Variants in EXOG observed in about 807,000 individuals in gnomAD.
EXOG encodes exo/endonuclease G.
In EXOG, 27 loss-of-function variants were observed where a neutral mutation model predicts 25.8. The observed-to-expected ratio is 1.05, with a 90% confidence interval of 0.77 to 1.45. The LOEUF is 1.45. Among genes scored for constraint, EXOG ranks in the 40% most tolerant of loss-of-function variants. The pLI is 0.00. For missense variants in EXOG, 458 were observed against 450.5 expected (o/e 1.02, Z -0.15); for synonymous variants, 133 against 167.0 (o/e 0.80, Z 1.57).
chr3:38,510,857 A>T (rs1207056694), intron 5 of EXOG, among the ~76,000 whole-genome samples: 2 of 152,136 alleles, frequency 1.3e-5, no homozygotes, highest in Non-Finnish European at 2.9e-5. Context: ...GTCAGTCAAG[A>T]TCAGCTTCCT....
At position 38,512,715 on chromosome 3, in the gene EXOG, C is replaced by T. The variant is rs1315289080; in HGVS notation, c.645+5747C>T. On this transcript the variant is annotated intron_variant, in intron 5 of 5. Coordinates refer to ENST00000287675, the MANE Select transcript of EXOG (RefSeq NM_005107.4). ...AATGTAGTCTGAGTTTTGCCTGTAG[C>T]AGAGTTTGTAAACTGAGGCCTCTTA... is the stretch of plus-strand genomic sequence containing the variant. Among the ~76,000 whole-genome samples, 5 of 152,090 alleles carry T rather than the reference C, an allele frequency of 3.3e-5. No individual in the cohort carries two copies. In the East Asian group the frequency reaches 9.6e-4, roughly 29 times the overall value.
rs1559670854 is a variant in EXOG at position 38,497,603 on chromosome 3, CCTTT to C, written c.164-25_164-22del. 4.7e-6 allele frequency: 7 copies of C among 1,504,104 alleles called. No homozygotes were observed. The East Asian group carries it at 9.7e-5, about 21-fold the overall frequency. The allele number at this position is 1,504,104 out of a possible 1,614,324, so 93.2% of individuals were successfully genotyped here. A position where few individuals can be genotyped will look rare whatever the true frequency, so the allele number is the denominator to read the frequency against. ...GTGTGTTTTTTTTGTCTCTGCCCCCCCTTTTTTTTTTTTTTTCATTTTTAGGATC... is the reference window on the plus strand; with the variant it reads ...GTGTGTTTTTTTTGTCTCTGCCCCCCTTTTTTTTTTTTCATTTTTAGGATC... On this transcript the variant is annotated intron_variant, in intron 1 of 5. Coordinates refer to ENST00000287675, the MANE Select transcript of EXOG (RefSeq NM_005107.4).
At chr3:38,522,927 G>A (rs2060765702) in intron 5 of EXOG, among the ~76,000 whole-genome samples, 1 of 152,236 alleles carries the variant, frequency 6.6e-6, no homozygotes, top group Non-Finnish European at 1.5e-5. Context: ...TCTTCATTGT[G>A]TGGATACCTT....
At chr3:38,507,667 G>T (rs774049867) in intron 5 of EXOG, among the ~76,000 whole-genome samples, 1 of 152,156 alleles carries the variant, frequency 6.6e-6, no homozygotes, top group Non-Finnish European at 1.5e-5. Flanking sequence ...TTTGGCAGCA[G>T]CGTGTAAAGA....
chr3:38,497,685 G>T lies in EXOG; in HGVS notation c.220G>T (p.Ala74Ser). 6.2e-7 allele frequency: 1 copy of T among 1,609,792 alleles called. No individual in the cohort carries two copies. Among genetic ancestry groups the T allele is most frequent in the East Asian group, 2.2e-5 (1 of 44,652 alleles). ...QFGFPLTGTE[A>S]RCYTNHALSY... Reference sequence around the variant, plus strand: ...TGGATTCCCTTTAACTGGAACAGAGGCAAGGTGTTACACTAATCACGCTTT... The same window carrying T: ...TGGATTCCCTTTAACTGGAACAGAGTCAAGGTGTTACACTAATCACGCTTT... Residue 74 changes from alanine (A) to serine (S), a missense_variant, in exon 2 of 6, where the codon GCA becomes TCA. Physicochemically the swap from Ala to Ser is moderately conservative, Grantham distance 99 (BLOSUM62 1). This residue lies in a region of EXOG where 275 missense variants were observed against 230.5 expected (regional missense o/e 1.19). Coordinates refer to ENST00000287675, the MANE Select transcript of EXOG (RefSeq NM_005107.4).
At position 38,501,359 on chromosome 3, in the gene EXOG, T is replaced by C; in HGVS notation, c.318T>C (p.Asp106=). The C allele has an allele frequency of 2.5e-6, 4 of 1,613,396 alleles. 1 individual carries two copies. In the South Asian group the frequency reaches 4.4e-5, roughly 18 times the overall value. The change falls in exon 3 of 6, where the codon GAT becomes GAC. Residue 106 remains aspartate, a synonymous_variant. Coordinates refer to ENST00000287675, the MANE Select transcript of EXOG (RefSeq NM_005107.4). ...ATTTTGTGTGTTTTTCTTCAGGTGA[T>C]GCAGACAGAAAGCATTGTAAATTTA... ...EHISKSKIMG[D]ADRKHCKFKP...
At chr3:38,503,821 T>A (rs2060119152) in intron 4 of EXOG, 130 bp downstream of exon 4, 1 of 528,052 alleles carries the variant, frequency 1.9e-6, no homozygotes, top group African/African-American at 1.9e-5. Flanking sequence ...GGTAAGTATG[T>A]TGGGCCAGTT....
At position 38,524,484 on chromosome 3, in the gene EXOG, C is replaced by A; in HGVS notation, c.*122C>A. ...AGTTTTTCTCTTTAAGAGATGTGGT[C>A]TCGCCGTGTCATCCAGGCTGGAGTG... On this transcript the variant is annotated 3_prime_UTR_variant, in exon 6 of 6. Coordinates refer to ENST00000287675, the MANE Select transcript of EXOG (RefSeq NM_005107.4). 1 of 1,419,060 alleles carries A rather than the reference C, an allele frequency of 7.0e-7. No homozygotes were observed. The highest frequency in any genetic ancestry group is 1.4e-5 in the African/African-American group (1 of 69,274). 87.9% of individuals were successfully genotyped at this position (1,419,060 alleles called of 1,614,324 possible).
chr3:38,523,457 G>A, intron 5 of EXOG: 1 of 311,062 alleles, frequency 3.2e-6, no homozygotes, highest in Non-Finnish European at 4.7e-6. Flanking sequence ...TCTGCCTCCT[G>A]GGTTCAAGCA....
Position 38,525,370 on chromosome 3 carries a change from G to A in EXOG, c.*1008G>A. 1 of 985,124 alleles carries A rather than the reference G, an allele frequency of 1.0e-6. No homozygotes were observed. The highest frequency in any genetic ancestry group is 1.2e-6 in the Non-Finnish European group (1 of 829,662). The allele number at this position is 985,124 out of a possible 1,614,324, so 61.0% of individuals were successfully genotyped here. A position where few individuals can be genotyped will look rare whatever the true frequency, so the allele number is the denominator to read the frequency against. On this transcript the variant is annotated 3_prime_UTR_variant, in exon 6 of 6. Transcript: ENST00000287675. The stretch of plus-strand genomic sequence containing the variant: ...CTCAGAAATATATACCTATTTCCAT[G>A]GGTATTTGTGGGCCTGAGGCATGCT...
At chr3:38,496,629 G>A (rs2059897237) in intron 1 of EXOG, 99 bp downstream of exon 1, 2 of 1,506,736 alleles carry the variant, frequency 1.3e-6, no homozygotes, top group Non-Finnish European at 1.8e-6. Context: ...AGCCTTCACC[G>A]TTTGCTGGGC....
chr3:38,501,634 C>A, intron 3 of EXOG, 140 bp downstream of exon 3: 1 of 692,044 alleles, frequency 1.4e-6, no homozygotes, highest in Non-Finnish European at 2.4e-6. Flanking sequence ...GACAATATGT[C>A]TCTTCTTTCA....
Position 38,524,863 on chromosome 3 carries a change from TA to T in EXOG, c.*502del. 2.0e-6 allele frequency: 2 copies of T among 986,438 alleles called. No homozygotes were observed. Among genetic ancestry groups the T allele is most frequent in the Non-Finnish European group, 2.4e-6 (2 of 830,746 alleles). The allele number at this position is 986,438 out of a possible 1,614,324, so 61.1% of individuals were successfully genotyped here. ...GTAGAGTATTGGGAAGGCATTTGTT[TA>T]GTTTCATGCCTCCAAACCATGCATT... On this transcript the variant is annotated 3_prime_UTR_variant, in exon 6 of 6. Coordinates refer to ENST00000287675, the MANE Select transcript of EXOG (RefSeq NM_005107.4).
chr3:38,509,277 A>G (rs762964541), intron 5 of EXOG, among the ~76,000 whole-genome samples: 14 of 152,322 alleles, frequency 9.2e-5, no homozygotes, highest in Non-Finnish European at 1.8e-4. Context: ...TCACTAGCCT[A>G]CTGTGTAGTA....
At chr3:38,501,159 A>G (rs562360198) in intron 2 of EXOG, 196 bp from the exon 3 acceptor site, 152 of 542,836 alleles carry the variant, frequency 2.8e-4, no homozygotes, top group African/African-American at 2.6e-3. Flanking sequence ...TATGAAAAGC[A>G]TTCTTTCCTA....
chr3:38,499,779 T>C (rs1285422220), intron 2 of EXOG: 2 of 396,610 alleles, frequency 5.0e-6, no homozygotes, highest in Non-Finnish European at 9.8e-6. Context: ...TAAAAGTATA[T>C]CTTTTAAAAA....
In EXOG at chr3:38,504,075, C is replaced by T. The variant is rs147419149; in HGVS notation, c.530+384C>T. On this transcript the variant is annotated intron_variant, in intron 4 of 5. Coordinates refer to ENST00000287675, the MANE Select transcript of EXOG (RefSeq NM_005107.4). ...AAAACAGTTTTGTATTTCAAGAGCTCCTGAGCTTTAGGCCAGGGTCAGTGG... is the reference window on the plus strand; with the variant it reads ...AAAACAGTTTTGTATTTCAAGAGCTTCTGAGCTTTAGGCCAGGGTCAGTGG... Among the ~76,000 whole-genome samples the T allele has an allele frequency of 5.9e-5, 9 of 152,182 alleles. No homozygotes were observed. In the South Asian group the frequency reaches 6.2e-4, roughly 11 times the overall value.
intron 5 of EXOG, among the ~76,000 whole-genome samples, chr3:38,511,311 C>T (rs1411648120): frequency 6.6e-6 from 1 of 152,030 alleles, no homozygotes; most frequent in Non-Finnish European, 1.5e-5. Flanking sequence ...CCTCCAATTG[C>T]GTTGGCTACC....
At position 38,525,194 on chromosome 3, in the gene EXOG, T is replaced by C. The variant is rs922693838; in HGVS notation, c.*832T>C. 5.7e-5 allele frequency: 54 copies of C among 947,826 alleles called. No individual in the cohort carries two copies. Among genetic ancestry groups the C allele is most frequent in the Non-Finnish European group, 6.2e-5 (49 of 796,148 alleles). The allele number at this position is 947,826 out of a possible 1,614,324, so 58.7% of individuals were successfully genotyped here. On this transcript the variant is annotated 3_prime_UTR_variant, in exon 6 of 6. Transcript: ENST00000287675. The stretch of plus-strand genomic sequence containing the variant: ...AAATACACTATCCCCATTTTACCTG[T>C]GAGAAAATTGAGGCTTAGAGAGCTT...
Sources: gnomAD v4.1 joint callset for allele counts (sites outside exome capture counted in the v4.1 genomes callset) on GRCh38, gnomAD v4.1.1 for gene constraint, gnomAD v4.1.1 regional missense constraint, MANE v1.5 for transcripts, NCBI Gene and HGNC (gene_info 2026-07-23, HGNC 2026-07-21) for gene names.